The following CEP250 variants were observed in gnomAD, a reference collection of about 807,000 sequenced individuals.
CEP250 encodes centrosome-associated protein CEP250.
Under a neutral mutation model 315.7 loss-of-function variants are expected in CEP250, and 242 were observed. That is an observed-to-expected ratio of 0.77 (90% CI 0.69 to 0.85). The LOEUF is 0.85. Among genes scored for constraint, CEP250 ranks in the 40% least tolerant of loss-of-function variants. CEP250 has a pLI of 0.00. For synonymous variants in CEP250, 1,088 were observed against 1,175.0 expected, an observed-to-expected ratio of 0.93 and a Z score of 1.51; for missense variants, 2,515 against 2,886.4, an observed-to-expected ratio of 0.87 and a Z score of 2.95.
chr20:35,462,699 T>G, intron 4 of CEP250, 146 bp downstream of exon 4: 1 of 620,858 alleles, frequency 1.6e-6, no homozygotes, highest in Non-Finnish European at 2.8e-6. Context: ...ACCTTCTAGC[T>G]TTCATGTACA....
At chr20:35,485,102 G>A (rs979956877) in intron 20 of CEP250, among the ~76,000 whole-genome samples, 2 of 150,408 alleles carry the variant, frequency 1.3e-5, no homozygotes, top group African/African-American at 4.9e-5. Flanking sequence ...GCTGGGCGCA[G>A]TGGCTTACGC....
rs78158391 is a variant in CEP250 at position 35,465,859 on chromosome 20, T to A, written c.326+34T>A. ...CCCCAAACTTTCTGACCTGGGTGAT[T>A]GGCCAGTTGGTGGAGAAGGCTGATG... is the stretch of plus-strand genomic sequence containing the variant. On this transcript the variant is annotated intron_variant, in intron 6 of 34. Transcript: ENST00000397527. 1.8e-3 allele frequency: 2,775 copies of A among 1,577,090 alleles called. 47 individuals are homozygous for A. In the African/African-American group the frequency reaches 0.033, roughly 19 times the overall value.
chr20:35,473,168 T>C (rs950290733), intron 12 of CEP250, among the ~76,000 whole-genome samples: 1 of 152,158 alleles, frequency 6.6e-6, no homozygotes, highest in African/African-American at 2.4e-5. Flanking sequence ...CCACTGTACA[T>C]TTGGAGATGA....
intron 17 of CEP250, 141 bp downstream of exon 17, chr20:35,478,242 C>T (rs1217090457): frequency 3.0e-6 from 2 of 658,282 alleles, no homozygotes; most frequent in Admixed American, 5.9e-5. Context: ...TGCAGTATAT[C>T]TTCCAATTTT....
At chr20:35,461,245 C>G (rs1160735342) in intron 3 of CEP250, among the ~76,000 whole-genome samples, 1 of 152,200 alleles carries the variant, frequency 6.6e-6, no homozygotes, top group Non-Finnish European at 1.5e-5. Context: ...AATGAGAGAA[C>G]TCTTCCTCTG....
intron 20 of CEP250, 81 bp downstream of exon 20, chr20:35,480,226 C>T (rs2063309097): frequency 5.1e-6 from 7 of 1,380,696 alleles, no homozygotes; most frequent in South Asian, 2.9e-5. Flanking sequence ...TATTGCTGCT[C>T]GTATGAGTGA....
rs146251916 is a variant in CEP250 at position 35,478,570 on chromosome 20, A to G, written c.2094+469A>G. ...ACAGAGCGACACTGCTCAAAAAAAC[A>G]AAAAGAATTCTTCACTGATTCTCCA... On this transcript the variant is annotated intron_variant, in intron 17 of 34. Coordinates refer to ENST00000397527, the MANE Select transcript of CEP250 (RefSeq NM_007186.6). Among the ~76,000 whole-genome samples the G allele has an allele frequency of 4.0e-3, 612 of 152,322 alleles. 3 individuals carry two copies. Among genetic ancestry groups the G allele is most frequent in the African/African-American group, 0.013 (552 of 41,568 alleles).
In CEP250 at chr20:35,496,602, G is replaced by A; in HGVS notation, c.3193G>A (p.Glu1065Lys). The change falls in exon 25 of 35, where the codon GAA (glutamate) becomes AAA (lysine). Residue 1065 changes from glutamate (E) to lysine (K), a missense_variant. Physicochemically the swap from Glu to Lys is moderately conservative, Grantham distance 56. Coordinates refer to ENST00000397527, the MANE Select transcript of CEP250 (RefSeq NM_007186.6). ...CCTGACTCTCTCACTGATGGAAAAG[G>A]AACAGAGACTCCTTGTTTTACAAGA... is the stretch of plus-strand genomic sequence containing the variant. Reference protein sequence around the residue: ...ASLTLSLMEKEQRLLVLQEAD... With the variant: ...ASLTLSLMEKKQRLLVLQEAD... 6.2e-7 allele frequency: 1 copy of A among 1,614,018 alleles called. No homozygotes were observed.
rs2062912376 is a variant in CEP250, at chr20:35,467,424, G to A, written c.720G>A (p.Gly240=). 6.2e-7 allele frequency: 1 copy of A among 1,614,098 alleles called. No individual in the cohort carries two copies. The highest frequency in any genetic ancestry group is 1.1e-5 in the South Asian group (1 of 91,092). Residue 240 remains glycine (G), a synonymous_variant, in exon 9 of 35, where the codon GGG becomes GGA. Coordinates refer to ENST00000397527, the MANE Select transcript of CEP250 (RefSeq NM_007186.6). ...REPNGSGRMD[G]REPAQLLLLL... ...CCAACGGATCTGGAAGAATGGATGG[G>A]CGGGAGCCGGCCCAGCTGCTGCTGC...
rs2064225330 is a variant in CEP250, at chr20:35,507,660, GCTGT to G, written c.6637-77_6637-74del. Reference sequence around the variant, plus strand: ...AAAAGCCTGAGGAGAACATTGAACCGCTGTTTGTGTGGAGGATGGGTTGGTCTGG... The same window carrying G: ...AAAAGCCTGAGGAGAACATTGAACCGTTGTGTGGAGGATGGGTTGGTCTGG... On this transcript the variant is annotated intron_variant, in intron 30 of 34. Coordinates refer to ENST00000397527, the MANE Select transcript of CEP250 (RefSeq NM_007186.6). 4.6e-6 allele frequency: 5 copies of G among 1,088,348 alleles called. 1 individual carries two copies. In the Middle Eastern group the frequency reaches 9.8e-4, roughly 213 times the overall value. 67.4% of individuals were successfully genotyped at this position (1,088,348 alleles called of 1,614,324 possible). A position where few individuals can be genotyped will look rare whatever the true frequency, so the allele number is the denominator to read the frequency against.
At chr20:35,472,622 G>T in intron 11 of CEP250, 51 bp from the exon 12 acceptor site, 1 of 1,593,562 alleles carries the variant, frequency 6.3e-7, no homozygotes, top group South Asian at 1.1e-5. Context: ...TCCCTCTATA[G>T]ACTCTAGGCT....
At chr20:35,477,791 G>A in intron 16 of CEP250, 80 bp from the exon 17 acceptor site, 1 of 1,109,744 alleles carries the variant, frequency 9.0e-7, no homozygotes, top group Admixed American at 2.2e-5. Context: ...TATCTCACTT[G>A]GATTTCAGTC....
At chr20:35,456,981 C>T (rs1414353916) in intron 1 of CEP250, among the ~76,000 whole-genome samples, 3 of 152,126 alleles carry the variant, frequency 2.0e-5, no homozygotes, top group Non-Finnish European at 4.4e-5. Context: ...GGGGTTTTGC[C>T]ATGTTGGCCA....
At position 35,473,571 on chromosome 20, in the gene CEP250, CA is replaced by C; in HGVS notation, c.1388+20del. 1 of 1,593,812 alleles carries C rather than the reference CA, an allele frequency of 6.3e-7. No individual in the cohort carries two copies. The highest frequency in any genetic ancestry group is 1.3e-5 in the African/African-American group (1 of 74,692). On this transcript the variant is annotated intron_variant, in intron 13 of 34. Transcript: ENST00000397527. Reference sequence around the variant, plus strand: ...TCAGCAAGTGAGCAGACGGGCTGTTCATCCCACCCTCCCAGCCTGGTCTCAG... The same window carrying C: ...TCAGCAAGTGAGCAGACGGGCTGTTCTCCCACCCTCCCAGCCTGGTCTCAG...
intron 7 of CEP250, among the ~76,000 whole-genome samples, chr20:35,466,664 T>A (rs574150044): frequency 1.3e-5 from 2 of 152,280 alleles, no homozygotes; most frequent in Admixed American, 1.3e-4. Flanking sequence ...TTTATGTATA[T>A]CATTGACTCC....
chr20:35,478,195 A>G, intron 17 of CEP250, 94 bp downstream of exon 17: 1 of 839,280 alleles, frequency 1.2e-6, no homozygotes, highest in Non-Finnish European at 1.9e-6. Context: ...GAAAGTGAAA[A>G]AGTCTTACTT....
At chr20:35,467,244 A>T in intron 8 of CEP250, 60 bp from the exon 9 acceptor site, 1 of 1,573,122 alleles carries the variant, frequency 6.4e-7, no homozygotes, top group Non-Finnish European at 8.7e-7. Context: ...ACTGGGCCTG[A>T]TCACCACACT....
Position 35,467,008 on chromosome 20 carries a change from A to G in CEP250, c.535A>G (p.Ser179Gly). Residue 179 changes from serine to glycine, a missense_variant, in exon 8 of 35, where the codon AGT (serine) becomes GGT (glycine). Transcript: ENST00000397527. ...YLKGEHGRLLSLWREVVTFRR... is the reference protein window; with the variant it reads ...YLKGEHGRLLGLWREVVTFRR... Reference sequence around the variant, plus strand: ...GAAAGGGGAGCACGGTCGCCTTCTCAGTCTATGGCGGGAGGTTGTGACATT... The same window carrying G: ...GAAAGGGGAGCACGGTCGCCTTCTCGGTCTATGGCGGGAGGTTGTGACATT... The G allele has an allele frequency of 1.2e-6, 2 of 1,613,882 alleles. No individual in the cohort carries two copies. The highest frequency in any genetic ancestry group is 1.3e-5 in the African/African-American group (1 of 75,026).
At chr20:35,508,336 C>T in intron 32 of CEP250, 146 bp downstream of exon 32, 1 of 867,424 alleles carries the variant, frequency 1.2e-6, no homozygotes, top group Non-Finnish European at 1.8e-6. Flanking sequence ...TTTCCCGAGA[C>T]AGAGTCTTGC....
Sources: allele counts gnomAD v4.1 joint callset (sites outside exome capture counted in the v4.1 genomes callset), GRCh38; gene constraint gnomAD v4.1.1; transcripts MANE v1.5; gene names NCBI Gene and HGNC (gene_info 2026-07-23, HGNC 2026-07-21).